ADAT1: variants seen among roughly 807,000 people sequenced by gnomAD.
ADAT1 encodes tRNA-specific adenosine deaminase 1.
A neutral mutation model predicts 58.6 loss-of-function variants in ADAT1; 58 were observed. That is an observed-to-expected ratio of 0.99 (90% CI 0.80 to 1.23). The LOEUF (loss-of-function observed/expected upper bound fraction) is 1.23, where lower values mean the gene tolerates loss of function less well. Ranked by LOEUF, ADAT1 falls within the 50% of genes most tolerant of loss-of-function variation. ADAT1 has a pLI of 0.00. For missense variants in ADAT1, 741 were observed against 608.6 expected (o/e 1.22, Z -2.29); for synonymous variants, 254 against 220.8 (o/e 1.15, Z -1.33).
chr16:75,606,825 A>G (rs111360168), intron 8 of ADAT1, among the ~76,000 whole-genome samples: 2,063 of 152,380 alleles, frequency 0.014, 18 homozygotes, highest in Non-Finnish European at 0.02. Flanking sequence ...ACAGATAACT[A>G]ACATACATTT....
rs529277043 is a variant in ADAT1, at chr16:75,598,906, A to G, written c.*1310T>C. 17 of 984,936 alleles carry G rather than the reference A, an allele frequency of 1.7e-5. No individual in the cohort carries two copies. Among genetic ancestry groups the G allele is most frequent in the Admixed American group, 1.2e-4 (2 of 16,258 alleles). The allele number at this position is 984,936 out of a possible 1,614,324, so 61.0% of individuals were successfully genotyped here. On this transcript the variant is annotated 3_prime_UTR_variant, in exon 10 of 10. Transcript: ENST00000564657. Reference sequence around the variant, plus strand: ...ATACAACTGTTATTTAAAAATATTTATAGCCACAAAATGCTGAAGAACCAA... The same window carrying G: ...ATACAACTGTTATTTAAAAATATTTGTAGCCACAAAATGCTGAAGAACCAA...
intron 9 of ADAT1, among the ~76,000 whole-genome samples, chr16:75,601,196 C>T (rs904999525): frequency 5.3e-5 from 8 of 151,858 alleles, no homozygotes; most frequent in South Asian, 2.1e-4. Context: ...CAAAATTAGC[C>T]GGGCGTGGTG....
chr16:75,618,807 G>T, intron 3 of ADAT1, 167 bp from the exon 4 acceptor site: 1 of 746,816 alleles, frequency 1.3e-6, no homozygotes, highest in Non-Finnish European at 2.1e-6. Flanking sequence ...TCAGGTGCAG[G>T]GTTTCTCAAC....
intron 9 of ADAT1, among the ~76,000 whole-genome samples, chr16:75,601,588 C>T (rs538908987): frequency 2.3e-4 from 35 of 151,700 alleles, no homozygotes; most frequent in African/African-American, 8.5e-4. Context: ...GAAACCCCGT[C>T]CCTACTAACT....
chr16:75,612,860 A>G lies in ADAT1; in HGVS notation c.426T>C (p.Cys142=), dbSNP rs761978892. 3.1e-6 allele frequency: 5 copies of G among 1,612,602 alleles called. No homozygotes were observed. The highest frequency in any genetic ancestry group is 8.5e-7 in the Non-Finnish European group (1 of 1,179,426). Residue 142 remains cysteine (C), a splice_region_variant and synonymous_variant, in exon 6 of 10, where the codon TGT becomes TGC. Coordinates refer to ENST00000564657, the MANE Select transcript of ADAT1 (RefSeq NM_001324445.2). ...IFVFFSSHTP[C]GDASIIPMLE... is the part of the protein sequence containing the mutation. ...GCATCGGAATGATGGAGGCATCCCCACCTGCAGAGAATGAACCCACTTAAA... is the reference window on the plus strand; with the variant it reads ...GCATCGGAATGATGGAGGCATCCCCGCCTGCAGAGAATGAACCCACTTAAA...
chr16:75,620,584 T>C (rs1313582404), intron 2 of ADAT1, 47 bp downstream of exon 2: 1 of 1,600,308 alleles, frequency 6.2e-7, no homozygotes, highest in African/African-American at 1.3e-5. Context: ...ATGCATAATT[T>C]TACCATCTCT....
chr16:75,611,339 T>A (rs2081527196), intron 6 of ADAT1, among the ~76,000 whole-genome samples: 1 of 152,172 alleles, frequency 6.6e-6, no homozygotes, highest in African/African-American at 2.4e-5. Context: ...GCTTTTTATC[T>A]TCTAAACTGT....
intron 5 of ADAT1, among the ~76,000 whole-genome samples, chr16:75,613,480 T>C (rs1052056490): frequency 6.6e-6 from 1 of 152,168 alleles, no homozygotes; most frequent in Non-Finnish European, 1.5e-5. Context: ...GTTTGTATTT[T>C]TAGTAGAGAC....
chr16:75,603,199 T>A, intron 8 of ADAT1, 28 bp from the exon 9 acceptor site: 1 of 1,588,500 alleles, frequency 6.3e-7, no homozygotes, highest in Non-Finnish European at 8.6e-7. Flanking sequence ...GCAAAGATGA[T>A]TTATTAAGTG....
chr16:75,597,353 C>T lies in ADAT1; in HGVS notation c.*2863G>A. On this transcript the variant is annotated 3_prime_UTR_variant, in exon 10 of 10. Coordinates refer to ENST00000564657, the MANE Select transcript of ADAT1 (RefSeq NM_001324445.2). ...GACGGAGGGAGAAACTGAAGTGATG[C>T]AGCCACAAGCCAAGGACTGCCAGGA... 2.2e-6 allele frequency: 1 copy of T among 450,392 alleles called. No homozygotes were observed. The highest frequency in any genetic ancestry group is 2.0e-5 in the African/African-American group (1 of 50,042). 27.9% of individuals were successfully genotyped at this position (450,392 alleles called of 1,614,324 possible). A position where few individuals can be genotyped will look rare whatever the true frequency, so the allele number is the denominator to read the frequency against.
At chr16:75,603,871 C>T (rs1054693214) in intron 8 of ADAT1, among the ~76,000 whole-genome samples, 1 of 152,276 alleles carries the variant, frequency 6.6e-6, no homozygotes, top group Admixed American at 6.5e-5. Flanking sequence ...CCTAGCAGAT[C>T]ACACCCTCAG....
rs771137809 is a variant in ADAT1, at chr16:75,612,269, T to A, written c.1017A>T (p.Glu339Asp). Reference protein sequence around the residue: ...VVIGKCPYSQEAMQRALIGRC... With the variant: ...VVIGKCPYSQDAMQRALIGRC... Reference sequence around the variant, plus strand: ...TTCCAATCAGTGCTCTCTGCATGGCTTCCTGGCTGTATGGGCACTTCCCAA... The same window carrying A: ...TTCCAATCAGTGCTCTCTGCATGGCATCCTGGCTGTATGGGCACTTCCCAA... Residue 339 changes from glutamate (E) to aspartate (D), a missense_variant, in exon 6 of 10, where the codon GAA becomes GAT. Coordinates refer to ENST00000564657, the MANE Select transcript of ADAT1 (RefSeq NM_001324445.2). The A allele has an allele frequency of 1.2e-6, 2 of 1,614,158 alleles. No individual in the cohort carries two copies. Among genetic ancestry groups the A allele is most frequent in the Non-Finnish European group, 1.7e-6 (2 of 1,180,024 alleles).
Position 75,600,290 on chromosome 16 carries a change from C to A in ADAT1, c.1435G>T (p.Ala479Ser), listed in dbSNP as rs1277082854. ...ACCTGCTTCCGGAGTGTGCTCCAGG[C>A]TTCCTGGTAAGAGGACGCAGCCTCC... ...YKEAASSYQE[A>S]WSTLRKQVFG... Residue 479 changes from alanine to serine, a missense_variant, in exon 10 of 10, where the codon GCC becomes TCC. Physicochemically the swap from Ala to Ser is moderately conservative, Grantham distance 99. Coordinates refer to ENST00000564657, the MANE Select transcript of ADAT1 (RefSeq NM_001324445.2). 1.2e-6 allele frequency: 2 copies of A among 1,614,020 alleles called. No individual in the cohort carries two copies. The highest frequency in any genetic ancestry group is 1.3e-5 in the African/African-American group (1 of 74,928).
intron 4 of ADAT1, among the ~76,000 whole-genome samples, 196 bp downstream of exon 4, chr16:75,618,390 C>T (rs536569321): frequency 3.3e-5 from 5 of 151,632 alleles, no homozygotes; most frequent in African/African-American, 1.2e-4. Flanking sequence ...CCTGTAGTCT[C>T]AGCTACTTGG....
At chr16:75,608,025 CCA>C (rs948641264) in intron 8 of ADAT1, among the ~76,000 whole-genome samples, 197 bp downstream of exon 8, 48 of 152,230 alleles carry the variant, frequency 3.2e-4, no homozygotes, top group African/African-American at 1.1e-3. Context: ...TAGAAAATGT[CCA>C]GACTAGACAA....
Position 75,608,965 on chromosome 16 carries a change from G to A in ADAT1, c.1067C>T (p.Pro356Leu). 1 of 1,614,152 alleles carries A rather than the reference G, an allele frequency of 6.2e-7. No individual in the cohort carries two copies. The highest frequency in any genetic ancestry group is 8.5e-7 in the Non-Finnish European group (1 of 1,180,016). ...IGRCQNVSALPKGFGVQELKI... is the reference protein window; with the variant it reads ...IGRCQNVSALLKGFGVQELKI... ...TAATTCTTGAACTCCGAAGCCTTTT[G>A]GTAAAGCAGACACATTCTGACACCT... Residue 356 changes from proline to leucine, a missense_variant, in exon 7 of 10, where the codon CCA (proline) becomes CTA (leucine). Physicochemically the swap from Pro to Leu is moderately conservative, Grantham distance 98 (BLOSUM62 -3). Transcript: ENST00000564657.
chr16:75,612,276 CTGTA>C lies in ADAT1; in HGVS notation c.1006_1009del (p.Tyr336AlafsTer9), dbSNP rs781479888. 6.8e-6 allele frequency: 11 copies of C among 1,614,172 alleles called. No individual in the cohort carries two copies. The South Asian group carries it at 1.2e-4, about 18-fold the overall frequency. On this transcript the variant is annotated frameshift_variant, in exon 6 of 10. Coordinates refer to ENST00000564657, the MANE Select transcript of ADAT1 (RefSeq NM_001324445.2). LOFTEE classifies it high-confidence loss of function. ...CAGTGCTCTCTGCATGGCTTCCTGG[CTGTA>C]TGGGCACTTCCCAATGACCACAGCT...
At position 75,608,412 on chromosome 16, in the gene ADAT1, C is replaced by T. The variant is rs527691882; in HGVS notation, c.1190-89G>A. 42 of 1,152,158 alleles carry T rather than the reference C, an allele frequency of 3.6e-5. No homozygotes were observed. In the East Asian group the frequency reaches 9.1e-4, roughly 25 times the overall value. 71.4% of individuals were successfully genotyped at this position (1,152,158 alleles called of 1,614,324 possible). On this transcript the variant is annotated intron_variant, in intron 7 of 9. Coordinates refer to ENST00000564657, the MANE Select transcript of ADAT1 (RefSeq NM_001324445.2). ...TAATAAAAATATTTCTCTGACTCTA[C>T]AGACCCATGAGAGCTGGATATGATG...
Position 75,600,331 on chromosome 16 carries a change from G to T in ADAT1, c.1394C>A (p.Thr465Asn), listed in dbSNP as rs1215879633. ...PHSLRVQKLDTYQEYKEAASS... is the reference protein window; with the variant it reads ...PHSLRVQKLDNYQEYKEAASS... ...CGCAGCCTCCTTGTACTCCTGGTAG[G>T]TATCCAGCTTCTGCACCCTAATGCA... Residue 465 changes from threonine (T) to asparagine (N), a missense_variant, in exon 10 of 10, where the codon ACC (threonine) becomes AAC (asparagine). Physicochemically the swap from Thr to Asn is moderately conservative, Grantham distance 65. Transcript: ENST00000564657. The T allele has an allele frequency of 6.2e-7, 1 of 1,613,816 alleles. No homozygotes were observed.
Sources: gnomAD v4.1 joint callset for allele counts (sites outside exome capture counted in the v4.1 genomes callset) on GRCh38, gnomAD v4.1.1 for gene constraint, MANE v1.5 for transcripts, NCBI Gene and HGNC (gene_info 2026-07-23, HGNC 2026-07-21) for gene names.